The following ATP9B variants were observed in gnomAD, a reference collection of about 807,000 sequenced individuals.
ATP9B encodes ATPase phospholipid transporting 9B, also known as probable phospholipid-transporting ATPase IIB.
Under a neutral mutation model 146.1 loss-of-function variants are expected in ATP9B, and 110 were observed. That is an observed-to-expected ratio of 0.75 (90% CI 0.65 to 0.88). The LOEUF is 0.88. Among genes scored for constraint, ATP9B ranks in the 40% least tolerant of loss-of-function variants. The probability of loss-of-function intolerance (pLI) is 0.00; values close to 1 mark genes in which losing one functional copy is unlikely to be tolerated. For synonymous variants in ATP9B, 604 were observed against 569.7 expected, an observed-to-expected ratio of 1.06 and a Z score of -0.86; for missense variants, 1,499 against 1,496.4, an observed-to-expected ratio of 1.00 and a Z score of -0.03.
At chr18:79,268,549 T>C (rs1280993441) in intron 12 of ATP9B, among the ~76,000 whole-genome samples, 2 of 152,190 alleles carry the variant, frequency 1.3e-5, no homozygotes, top group Admixed American at 1.3e-4. Context: ...CTTCTTAACT[T>C]ATCAGAGTTA....
chr18:79,293,130 G>A (rs756141073), intron 13 of ATP9B, among the ~76,000 whole-genome samples: 1 of 150,292 alleles, frequency 6.7e-6, no homozygotes, highest in Non-Finnish European at 1.5e-5. Flanking sequence ...ATGGTGCTGG[G>A]CAACTAGATA....
intron 11 of ATP9B, among the ~76,000 whole-genome samples, chr18:79,240,904 G>A (rs1339449517): frequency 6.6e-6 from 1 of 152,150 alleles, no homozygotes; most frequent in African/African-American, 2.4e-5. Context: ...GGAGCTGCTC[G>A]GTCTCCAAGC....
chr18:79,372,807 C>T lies in ATP9B; in HGVS notation c.3013-18C>T. 2 of 1,587,808 alleles carry T rather than the reference C, an allele frequency of 1.3e-6. No homozygotes were observed. Among genetic ancestry groups the T allele is most frequent in the Non-Finnish European group, 1.7e-6 (2 of 1,156,134 alleles). The stretch of plus-strand genomic sequence containing the variant: ...GGTGGTTCTGCGCACTAACGACGCT[C>T]TTCCACTGTTTCCCTAGGGAAGATC... On this transcript the variant is annotated intron_variant, in intron 26 of 29. Transcript: ENST00000426216.
At chr18:79,101,204 G>A (rs1408175841) in intron 2 of ATP9B, among the ~76,000 whole-genome samples, 2 of 151,916 alleles carry the variant, frequency 1.3e-5, no homozygotes, top group African/African-American at 2.4e-5. Context: ...GGAGCTTCCT[G>A]TGCCACAGCC....
intron 19 of ATP9B, among the ~76,000 whole-genome samples, chr18:79,339,774 A>G (rs1448579567): frequency 6.6e-6 from 1 of 151,956 alleles, no homozygotes; most frequent in Non-Finnish European, 1.5e-5. Flanking sequence ...TCCATCTGAG[A>G]TCGCAGTAGG....
chr18:79,269,900 A>T (rs1183592448), intron 12 of ATP9B, among the ~76,000 whole-genome samples: 1 of 152,240 alleles, frequency 6.6e-6, no homozygotes, highest in East Asian at 1.9e-4. Flanking sequence ...CCTTGCCTCC[A>T]TAGTTTTACT....
intron 29 of ATP9B, 67 bp from the exon 30 acceptor site, chr18:79,377,174 TCTGTGG>T: frequency 6.4e-7 from 1 of 1,569,684 alleles, no homozygotes; most frequent in South Asian, 1.1e-5. Context: ...CCTGGCCAGG[TCTGTGG>T]CTGTGGCCAT....
At chr18:79,094,131 G>A (rs1019238819) in intron 1 of ATP9B, among the ~76,000 whole-genome samples, 1 of 152,210 alleles carries the variant, frequency 6.6e-6, no homozygotes, top group African/African-American at 2.4e-5. Flanking sequence ...TGTCAGTTCA[G>A]TTGCAAAGCC....
At chr18:79,289,283 G>A (rs986124485) in intron 13 of ATP9B, among the ~76,000 whole-genome samples, 2 of 152,132 alleles carry the variant, frequency 1.3e-5, no homozygotes, top group Non-Finnish European at 2.9e-5. Flanking sequence ...TTTTCACACA[G>A]TCTCATGTTT....
intron 13 of ATP9B, among the ~76,000 whole-genome samples, chr18:79,295,332 A>G (rs2096540185): frequency 6.6e-6 from 1 of 152,240 alleles, no homozygotes; most frequent in Non-Finnish European, 1.5e-5. Context: ...GTTTATAACC[A>G]TCTTACTCAT....
chr18:79,330,730 G>T (rs12458253), intron 17 of ATP9B, among the ~76,000 whole-genome samples: 1 of 151,988 alleles, frequency 6.6e-6, no homozygotes, highest in African/African-American at 2.4e-5. Context: ...TACTTTCTGT[G>T]TAAATAACAA....
intron 8 of ATP9B, among the ~76,000 whole-genome samples, chr18:79,186,941 T>C (rs2095313488): frequency 6.6e-6 from 1 of 152,228 alleles, no homozygotes; most frequent in Admixed American, 6.5e-5. Context: ...TCTTTTTGCC[T>C]GTGTGTTCTC....
chr18:79,138,030 G>A (rs1282235317), intron 5 of ATP9B, among the ~76,000 whole-genome samples: 1 of 152,168 alleles, frequency 6.6e-6, no homozygotes, highest in Non-Finnish European at 1.5e-5. Context: ...CTTTCTTGAA[G>A]TATGTTCTCA....
At chr18:79,330,245 A>G (rs926814105) in intron 17 of ATP9B, 141 bp downstream of exon 17, 5 of 742,372 alleles carry the variant, frequency 6.7e-6, no homozygotes, top group East Asian at 2.7e-5. Flanking sequence ...CAGCTTGCAG[A>G]CACTGGTATC....
At chr18:79,127,113 A>ATCC (rs2094300378) in intron 5 of ATP9B, among the ~76,000 whole-genome samples, 1 of 152,228 alleles carries the variant, frequency 6.6e-6, no homozygotes, top group Non-Finnish European at 1.5e-5. Context: ...TTGTATGTAT[A>ATCC]TAAGAGGACA....
chr18:79,175,059 G>T (rs1267581081), intron 7 of ATP9B, among the ~76,000 whole-genome samples: 1 of 151,958 alleles, frequency 6.6e-6, no homozygotes, highest in Admixed American at 6.6e-5. Context: ...AAATTAGCTG[G>T]GCATGGTGGC....
At chr18:79,100,881 G>A (rs536726925) in intron 2 of ATP9B, among the ~76,000 whole-genome samples, 10 of 152,134 alleles carry the variant, frequency 6.6e-5, no homozygotes, top group Non-Finnish European at 1.2e-4. Context: ...ATCAGATCTC[G>A]TGAGACTCAT....
intron 5 of ATP9B, among the ~76,000 whole-genome samples, chr18:79,138,496 C>T (rs1205210996): frequency 6.6e-6 from 1 of 152,106 alleles, no homozygotes; most frequent in Non-Finnish European, 1.5e-5. Flanking sequence ...CTTACTTAAA[C>T]GATATGCCTC....
chr18:79,104,482 G>T (rs2075519091), intron 2 of ATP9B, among the ~76,000 whole-genome samples: 1 of 152,160 alleles, frequency 6.6e-6, no homozygotes, highest in African/African-American at 2.4e-5. Flanking sequence ...TAGTTAACAA[G>T]AATTGCGGAC....
Sources: allele counts gnomAD v4.1 joint callset (sites outside exome capture counted in the v4.1 genomes callset), GRCh38; gene constraint gnomAD v4.1.1; transcripts MANE v1.5; gene names NCBI Gene and HGNC (gene_info 2026-07-23, HGNC 2026-07-21).